BNIPL: variants seen among roughly 807,000 people sequenced by gnomAD.
BNIPL encodes BCL2 interacting protein like.
In BNIPL, 33 loss-of-function variants were observed where a neutral mutation model predicts 47.0. That is an observed-to-expected ratio of 0.70 (90% confidence interval 0.53 to 0.94). BNIPL has a LOEUF of 0.94. BNIPL is among the 40% of genes least tolerant of loss of function. The pLI is 0.00. For synonymous variants in BNIPL, 145 were observed against 162.7 expected, an observed-to-expected ratio of 0.89 and a Z score of 0.83; for missense variants, 404 against 445.2, an observed-to-expected ratio of 0.91 and a Z score of 0.83.
At position 151,038,803 on chromosome 1, in the gene BNIPL, TA is replaced by T. The variant is rs773763889; in HGVS notation, c.211del (p.Thr71ProfsTer5). On this transcript the variant is annotated frameshift_variant, in exon 4 of 10. Coordinates refer to ENST00000368931, the MANE Select transcript of BNIPL (RefSeq NM_138278.4). LOFTEE classifies it high-confidence loss of function. ...PKGDSQAAAG[T>X]PSTLALCGQR... ...TTTTCCCCCTTTCTCCAGCTGCAGGTACCCCCAGCACTTTAGCCCTGTGTGG... is the reference window on the plus strand; with the variant it reads ...TTTTCCCCCTTTCTCCAGCTGCAGGTCCCCCAGCACTTTAGCCCTGTGTGG... The T allele has an allele frequency of 2.5e-6, 4 of 1,577,266 alleles. No homozygotes were observed. The highest frequency in any genetic ancestry group is 3.4e-6 in the Non-Finnish European group (4 of 1,161,296).
intron 7 of BNIPL, among the ~76,000 whole-genome samples, chr1:151,044,555 A>T (rs1227280382): frequency 6.6e-6 from 1 of 151,522 alleles, no homozygotes; most frequent in Non-Finnish European, 1.5e-5. Flanking sequence ...CCATCCTCCC[A>T]CCTCAGCCTT....
chr1:151,040,979 G>C (rs1446529731), intron 4 of BNIPL, among the ~76,000 whole-genome samples: 1 of 151,440 alleles, frequency 6.6e-6, no homozygotes, highest in Non-Finnish European at 1.5e-5. Flanking sequence ...CCAGGAGTTG[G>C]GACCAGCCTG....
At position 151,037,270 on chromosome 1, in the gene BNIPL, T is replaced by A. The variant is rs1048654315; in HGVS notation, c.42-297T>A. 3.4e-5 allele frequency: 35 copies of A among 1,033,058 alleles called. 1 individual carries two copies. Among genetic ancestry groups the A allele is most frequent in the Non-Finnish European group, 1.4e-5 (12 of 827,836 alleles). The allele number at this position is 1,033,058 out of a possible 1,614,324, so 64.0% of individuals were successfully genotyped here. A position where few individuals can be genotyped will look rare whatever the true frequency, so the allele number is the denominator to read the frequency against. On this transcript the variant is annotated intron_variant, in intron 1 of 9. Coordinates refer to ENST00000368931, the MANE Select transcript of BNIPL (RefSeq NM_138278.4). ...GATAGCTGGGTGGGTCTAGCTGGGT[T>A]CCAGCCACTTGTAATGTGGGACATC...
rs199871254 is a variant in BNIPL at position 151,043,356 on chromosome 1, C to T, written c.641C>T (p.Ala214Val). The part of the protein sequence containing the change: ...HGGYHGDGLN[A>V]VILFASCYLP... The stretch of plus-strand genomic sequence containing the variant: ...GGTTACCACGGTGATGGCCTCAATG[C>T]TGTCATCCTTTTTGCTTCCTGTTAT... Residue 214 changes from alanine to valine, a missense_variant, in exon 6 of 10, where the codon GCT becomes GTT. Ala to Val is a moderately conservative substitution (Grantham distance 64). Coordinates refer to ENST00000368931, the MANE Select transcript of BNIPL (RefSeq NM_138278.4). 2.4e-4 allele frequency: 381 copies of T among 1,610,524 alleles called. No homozygotes were observed. The highest frequency in any genetic ancestry group is 2.1e-4 in the Non-Finnish European group (242 of 1,176,788).
At position 151,047,620 on chromosome 1, in the gene BNIPL, C is replaced by T; in HGVS notation, c.*933C>T. 1 of 604,290 alleles carries T rather than the reference C, an allele frequency of 1.7e-6. No individual in the cohort carries two copies. Among genetic ancestry groups the T allele is most frequent in the Non-Finnish European group, 2.7e-6 (1 of 367,772 alleles). The allele number at this position is 604,290 out of a possible 1,614,324, so 37.4% of individuals were successfully genotyped here. On this transcript the variant is annotated 3_prime_UTR_variant, in exon 10 of 10. Transcript: ENST00000368931. ...CCAAAGAAGTGAACGACTCTTTCAC[C>T]ACCCCTTGCATCCCAAACCTTCGGT...
chr1:151,046,974 T>G lies in BNIPL; in HGVS notation c.*287T>G, dbSNP rs1676050529. 1.4e-5 allele frequency: 4 copies of G among 278,564 alleles called. No homozygotes were observed. In the South Asian group the frequency reaches 2.5e-4, roughly 18 times the overall value. The allele number at this position is 278,564 out of a possible 1,614,324, so 17.3% of individuals were successfully genotyped here. On this transcript the variant is annotated 3_prime_UTR_variant, in exon 10 of 10. Transcript: ENST00000368931. The stretch of plus-strand genomic sequence containing the variant: ...AGCTCTGGGTTTTTTTGTTTTTTGT[T>G]TTTTGAGACGGAGTCTCGCTCTGTC...
Position 151,046,129 on chromosome 1 carries a change from C to T in BNIPL, c.1001C>T (p.Ser334Phe), listed in dbSNP as rs1243375498. 1.2e-6 allele frequency: 2 copies of T among 1,614,002 alleles called. No homozygotes were observed. The highest frequency in any genetic ancestry group is 2.7e-5 in the African/African-American group (2 of 74,894). ...CTGGGGGAGCTGGCCCAACTCATAT[C>T]CCTGGATCAAGTCCACATCCCTGAA... Reference protein sequence around the residue: ...DSLGELAQLISLDQVHIPEAV... With the variant: ...DSLGELAQLIFLDQVHIPEAV... Residue 334 changes from serine (S) to phenylalanine (F), a missense_variant, in exon 9 of 10, where the codon TCC becomes TTC. Ser to Phe is a radical substitution (Grantham distance 155, BLOSUM62 -2). Transcript: ENST00000368931.
intron 8 of BNIPL, 41 bp downstream of exon 8, chr1:151,045,924 C>A: frequency 6.2e-7 from 1 of 1,613,880 alleles, no homozygotes; most frequent in South Asian, 1.1e-5. Context: ...TCCTTCCCCC[C>A]ATTTTCAAAA....
intron 7 of BNIPL, among the ~76,000 whole-genome samples, chr1:151,044,197 C>G (rs774118203): frequency 4.8e-4 from 73 of 152,102 alleles, no homozygotes; most frequent in Non-Finnish European, 8.1e-4. Context: ...TTTGCCCAGG[C>G]TGGTCTCAAA....
In BNIPL at chr1:151,043,377, GT is replaced by G. The variant is rs760174057; in HGVS notation, c.664del (p.Tyr222IlefsTer28). ...AATGCTGTCATCCTTTTTGCTTCCT[GT>G]TATCTACCCAGAAGCAGCATCCCCA... ...GLNAVILFASCYLPRSSIPNY... is the reference protein window; with the variant it reads ...GLNAVILFASXYLPRSSIPNY... On this transcript the variant is annotated frameshift_variant, in exon 6 of 10. Coordinates refer to ENST00000368931, the MANE Select transcript of BNIPL (RefSeq NM_138278.4). LOFTEE classifies it high-confidence loss of function. 1 of 1,612,704 alleles carries G rather than the reference GT, an allele frequency of 6.2e-7. No individual in the cohort carries two copies. The highest frequency in any genetic ancestry group is 1.1e-5 in the South Asian group (1 of 91,054).
chr1:151,039,068 C>G, intron 4 of BNIPL, 42 bp downstream of exon 4: 2 of 1,521,548 alleles, frequency 1.3e-6, no homozygotes, highest in Non-Finnish European at 1.8e-6. Context: ...GAAGTAGAGG[C>G]TAGAGCTAAA....
chr1:151,039,138 C>A (rs587677387), intron 4 of BNIPL, 112 bp downstream of exon 4: 1 of 1,325,026 alleles, frequency 7.5e-7, no homozygotes, highest in East Asian at 2.8e-5. Context: ...CCAAGGGCTA[C>A]GGCCAGCAAA....
chr1:151,044,787 T>C, intron 7 of BNIPL: 1 of 1,259,232 alleles, frequency 7.9e-7, no homozygotes, highest in Non-Finnish European at 1.0e-6. Flanking sequence ...GGTTTTTTTT[T>C]TTTCCCCTTT....
rs149999726 is a variant in BNIPL, at chr1:151,036,643, G to C, written c.-83G>C. 6.4e-4 allele frequency: 804 copies of C among 1,252,306 alleles called. 2 individuals are homozygous for C. In the African/African-American group the frequency reaches 0.01, roughly 16 times the overall value. 77.6% of individuals were successfully genotyped at this position (1,252,306 alleles called of 1,614,324 possible). A position where few individuals can be genotyped will look rare whatever the true frequency, so the allele number is the denominator to read the frequency against. ...CTACAACAGCTGAGACAGAAAAGAG[G>C]TAAGGAAGTGTTGGGGGCTGGGACA... On this transcript the variant is annotated 5_prime_UTR_variant, in exon 1 of 10. Transcript: ENST00000368931.
At position 151,043,052 on chromosome 1, in the gene BNIPL, A is replaced by T; in HGVS notation, c.530A>T (p.His177Leu). 1 of 1,611,740 alleles carries T rather than the reference A, an allele frequency of 6.2e-7. No homozygotes were observed. The highest frequency in any genetic ancestry group is 2.2e-5 in the East Asian group (1 of 44,878). ...GATGTGACTGGAGAAGATGGACATCACTGGAGGGTGTTCCGAATGGGACCA... is the reference window on the plus strand; with the variant it reads ...GATGTGACTGGAGAAGATGGACATCTCTGGAGGGTGTTCCGAATGGGACCA... ...MWDVTGEDGH[H>L]WRVFRMGPRE... is the part of the protein sequence containing the mutation. The change falls in exon 5 of 10, where the codon CAC becomes CTC. Residue 177 changes from histidine to leucine, a missense_variant. Transcript: ENST00000368931.
intron 2 of BNIPL, 147 bp from the exon 3 acceptor site, chr1:151,038,357 G>C (rs895732866): frequency 3.8e-5 from 25 of 661,646 alleles, no homozygotes; most frequent in Non-Finnish European, 6.7e-5. Context: ...CTGGGCAACA[G>C]AGTGAGACCC....
intron 7 of BNIPL, among the ~76,000 whole-genome samples, 155 bp downstream of exon 7, chr1:151,043,882 A>C (rs587597086): frequency 1.3e-5 from 2 of 152,104 alleles, no homozygotes; most frequent in South Asian, 2.1e-4. Flanking sequence ...CTTGGAGTCA[A>C]GGAAATCTAG....
Position 151,046,736 on chromosome 1 carries a change from C to A in BNIPL, c.*49C>A. ...AGAACCAGTTAGTGATCTGCCTACA[C>A]CTGAATCCCTGAAACATCTGAACTG... On this transcript the variant is annotated 3_prime_UTR_variant, in exon 10 of 10. Coordinates refer to ENST00000368931, the MANE Select transcript of BNIPL (RefSeq NM_138278.4). The A allele has an allele frequency of 2.1e-6, 3 of 1,431,984 alleles. No homozygotes were observed. Among genetic ancestry groups the A allele is most frequent in the Non-Finnish European group, 2.9e-6 (3 of 1,026,482 alleles). 88.7% of individuals were successfully genotyped at this position (1,431,984 alleles called of 1,614,324 possible). A position where few individuals can be genotyped will look rare whatever the true frequency, so the allele number is the denominator to read the frequency against.
In BNIPL at chr1:151,045,890, GT is replaced by G; in HGVS notation, c.938+9del. 1 of 1,614,130 alleles carries G rather than the reference GT, an allele frequency of 6.2e-7. No individual in the cohort carries two copies. Among genetic ancestry groups the G allele is most frequent in the Non-Finnish European group, 8.5e-7 (1 of 1,180,030 alleles). ...TGCTTCGGCCCTTCATCAGGTACTA[GT>G]TCTAGGAACAAGGACTCCTTTCTCC... On this transcript the variant is annotated splice_region_variant and intron_variant, in intron 8 of 9. Coordinates refer to ENST00000368931, the MANE Select transcript of BNIPL (RefSeq NM_138278.4).
Sources: gnomAD v4.1 joint callset for allele counts (sites outside exome capture counted in the v4.1 genomes callset) on GRCh38, gnomAD v4.1.1 for gene constraint, MANE v1.5 for transcripts, NCBI Gene and HGNC (gene_info 2026-07-23, HGNC 2026-07-21) for gene names.